The following AAK1 variants were observed in gnomAD, a reference collection of about 807,000 sequenced individuals.
AAK1 encodes AP2 associated kinase 1.
Under a neutral mutation model 116.0 loss-of-function variants are expected in AAK1, and 37 were observed. The observed-to-expected ratio is 0.32, with a 90% CI of 0.25 to 0.42. The LOEUF (loss-of-function observed/expected upper bound fraction) is 0.42. Among genes scored for constraint, AAK1 ranks in the 10% least tolerant of loss-of-function variants. AAK1 has a pLI of 1.00. For missense variants in AAK1, 919 were observed against 1,170.6 expected (o/e 0.79, Z 3.14); for synonymous variants, 458 against 439.9 (o/e 1.04, Z -0.51).
At chr2:69,630,372 G>T (rs1358577985) in intron 2 of AAK1, among the ~76,000 whole-genome samples, 7 of 140,790 alleles carry the variant, frequency 5.0e-5, no homozygotes, top group Non-Finnish European at 1.1e-4. Flanking sequence ...GGGAGGGGGA[G>T]GGAGAGAGAG....
rs1432881638 is a variant in AAK1, at chr2:69,580,588, T to C, written c.164-23610A>G. 2.0e-5 allele frequency among the ~76,000 whole-genome samples: 3 copies of C among 152,222 alleles called. No homozygotes were observed. The East Asian group carries it at 5.8e-4, about 29-fold the overall frequency. On this transcript the variant is annotated intron_variant, in intron 2 of 21. Transcript: ENST00000409085. ...ACTCCTGGTGGCCTTTTTCTTCTAA[T>C]TTCAGACTCTTGGCGAGGGTCAGTA...
chr2:69,548,839 G>T lies in AAK1; in HGVS notation c.283-4295C>A, dbSNP rs113388861. ...AGGATGGTCTCGATCTCTTGACCTCGTGATCCACCTGCCTTGGCCTCCCAA... is the reference window on the plus strand; with the variant it reads ...AGGATGGTCTCGATCTCTTGACCTCTTGATCCACCTGCCTTGGCCTCCCAA... On this transcript the variant is annotated intron_variant, in intron 3 of 21. Coordinates refer to ENST00000409085, the MANE Select transcript of AAK1 (RefSeq NM_014911.5). Among the ~76,000 whole-genome samples, 520 of 152,066 alleles carry T rather than the reference G, an allele frequency of 3.4e-3. 5 individuals carry two copies. The highest frequency in any genetic ancestry group is 0.012 in the African/African-American group (497 of 41,496).
At chr2:69,613,663 G>C (rs1208907358) in intron 2 of AAK1, among the ~76,000 whole-genome samples, 1 of 152,228 alleles carries the variant, frequency 6.6e-6, no homozygotes, top group Non-Finnish European at 1.5e-5. Context: ...GGTTTAAAGA[G>C]CTTCTAGATA....
chr2:69,610,304 A>G (rs193274443), intron 2 of AAK1, among the ~76,000 whole-genome samples: 92 of 152,284 alleles, frequency 6.0e-4, no homozygotes, highest in African/African-American at 2.1e-3. Context: ...GGATACCCAC[A>G]TGCAAAAAAA....
chr2:69,468,423 T>C lies in AAK1; in HGVS notation c.*7446A>G, dbSNP rs1213682861. On this transcript the variant is annotated 3_prime_UTR_variant, in exon 22 of 22. Transcript: ENST00000409085. Reference sequence around the variant, plus strand: ...AACTCCTTGAACCACCTTCCTCACATAGTATCAGTTGGACAAAGTTTTCAG... The same window carrying C: ...AACTCCTTGAACCACCTTCCTCACACAGTATCAGTTGGACAAAGTTTTCAG... The C allele has an allele frequency of 1.0e-6, 1 of 985,422 alleles. No individual in the cohort carries two copies. The highest frequency in any genetic ancestry group is 1.2e-6 in the Non-Finnish European group (1 of 829,924). 61.0% of individuals were successfully genotyped at this position (985,422 alleles called of 1,614,324 possible).
intron 9 of AAK1, 92 bp from the exon 10 acceptor site, chr2:69,525,204 A>G: frequency 7.9e-7 from 1 of 1,273,874 alleles, no homozygotes; most frequent in Non-Finnish European, 1.1e-6. Flanking sequence ...CTGAGAGCTG[A>G]TGGAAACACA....
intron 16 of AAK1, among the ~76,000 whole-genome samples, chr2:69,500,682 T>C (rs1418963692): frequency 1.9e-5 from 2 of 105,864 alleles, no homozygotes; most frequent in African/African-American, 4.5e-5. Flanking sequence ...TATATATATA[T>C]ATATATATAT....
intron 3 of AAK1, among the ~76,000 whole-genome samples, chr2:69,549,648 C>A (rs1314636951): frequency 6.6e-6 from 1 of 152,178 alleles, no homozygotes; most frequent in Non-Finnish European, 1.5e-5. Flanking sequence ...ACATTACATT[C>A]TTTTTGTCTT....
chr2:69,521,902 G>A (rs1348520604), intron 10 of AAK1, among the ~76,000 whole-genome samples: 1 of 152,144 alleles, frequency 6.6e-6, no homozygotes, highest in Admixed American at 6.5e-5. Flanking sequence ...GATCCCTGAG[G>A]GCCTCATGGA....
At chr2:69,587,614 T>C (rs755843979) in intron 2 of AAK1, among the ~76,000 whole-genome samples, 1 of 151,850 alleles carries the variant, frequency 6.6e-6, no homozygotes, top group Admixed American at 6.6e-5. Flanking sequence ...TACAGGGGCA[T>C]GCCACCATGC....
At chr2:69,552,245 T>C (rs1365059950) in intron 3 of AAK1, among the ~76,000 whole-genome samples, 1 of 152,110 alleles carries the variant, frequency 6.6e-6, no homozygotes, top group Non-Finnish European at 1.5e-5. Flanking sequence ...GGTACATAGA[T>C]TAATGGAAGG....
intron 21 of AAK1, among the ~76,000 whole-genome samples, chr2:69,476,456 T>A (rs1437277404): frequency 6.6e-6 from 1 of 152,164 alleles, no homozygotes; most frequent in Non-Finnish European, 1.5e-5. Context: ...TTTTCCTCCA[T>A]CAAAGTTGAA....
intron 5 of AAK1, among the ~76,000 whole-genome samples, chr2:69,534,414 T>G (rs539547564): frequency 6.6e-6 from 1 of 152,350 alleles, no homozygotes; most frequent in African/African-American, 2.4e-5. Context: ...GGTGCAAGCT[T>G]AAGGACAGGA....
intron 2 of AAK1, among the ~76,000 whole-genome samples, chr2:69,589,984 T>A (rs895978297): frequency 6.6e-6 from 1 of 151,782 alleles, no homozygotes; most frequent in Non-Finnish European, 1.5e-5. Flanking sequence ...AAAAAAAAAA[T>A]TCATAGAAGC....
chr2:69,598,854 T>C, intron 2 of AAK1: 1 of 258,852 alleles, frequency 3.9e-6, no homozygotes, highest in Non-Finnish European at 7.7e-6. Flanking sequence ...GATGTGGATG[T>C]CTGTCAACTC....
rs1179778729 is a variant in AAK1 at position 69,461,700 on chromosome 2, T to C, written c.*14169A>G. The C allele has an allele frequency of 4.8e-6, 2 of 419,196 alleles. No individual in the cohort carries two copies. Among genetic ancestry groups the C allele is most frequent in the Non-Finnish European group, 9.6e-6 (2 of 209,286 alleles). 26.0% of individuals were successfully genotyped at this position (419,196 alleles called of 1,614,324 possible). A position where few individuals can be genotyped will look rare whatever the true frequency, so the allele number is the denominator to read the frequency against. On this transcript the variant is annotated 3_prime_UTR_variant, in exon 22 of 22. Coordinates refer to ENST00000409085, the MANE Select transcript of AAK1 (RefSeq NM_014911.5). Reference sequence around the variant, plus strand: ...AAGTCTGCCTCCCTGGGTCAAGCAATTCTGCCTCAGCCTCCCTAGTAACTG... The same window carrying C: ...AAGTCTGCCTCCCTGGGTCAAGCAACTCTGCCTCAGCCTCCCTAGTAACTG...
chr2:69,505,733 T>C (rs944351134), intron 15 of AAK1, 60 bp from the exon 16 acceptor site: 6 of 1,345,494 alleles, frequency 4.5e-6, no homozygotes, highest in African/African-American at 4.3e-5. Context: ...CACACACACA[T>C]GGCAGAGGTA....
intron 2 of AAK1, among the ~76,000 whole-genome samples, chr2:69,609,545 G>A (rs1489271542): frequency 6.6e-6 from 1 of 151,810 alleles, no homozygotes; most frequent in Non-Finnish European, 1.5e-5. Context: ...AGTCAGGCAC[G>A]GTGGTGGGTG....
intron 2 of AAK1, among the ~76,000 whole-genome samples, chr2:69,571,126 C>T (rs968231630): frequency 1.1e-3 from 160 of 152,234 alleles, no homozygotes; most frequent in African/African-American, 6.5e-4. Flanking sequence ...ATTCATTGTA[C>T]GAAACACATT....
Sources: gnomAD v4.1 joint callset for allele counts (sites outside exome capture counted in the v4.1 genomes callset) on GRCh38, gnomAD v4.1.1 for gene constraint, MANE v1.5 for transcripts, NCBI Gene and HGNC (gene_info 2026-07-23, HGNC 2026-07-21) for gene names.